The following SLX4 variants were observed in gnomAD, a reference collection of about 807,000 sequenced individuals.
SLX4 encodes SLX4 structure-specific endonuclease subunit.
A neutral mutation model predicts 146.2 loss-of-function variants in SLX4; 112 were observed. The observed-to-expected ratio is 0.77, with a 90% CI of 0.66 to 0.90. SLX4 has a LOEUF of 0.90. SLX4 is among the 40% of genes least tolerant of loss of function. SLX4 has a pLI of 0.00. For synonymous variants in SLX4, 1,061 were observed against 997.7 expected (o/e 1.06, Z -1.20); for missense variants, 2,563 against 2,392.7 (o/e 1.07, Z -1.49).
intron 12 of SLX4, among the ~76,000 whole-genome samples, chr16:3,588,316 A>C (rs1009320523): frequency 2.0e-5 from 3 of 152,200 alleles, no homozygotes; most frequent in Non-Finnish European, 4.4e-5. Context: ...CATATCCATG[A>C]GTGCAGACAG....
Position 3,591,079 on chromosome 16 carries a change from T to C in SLX4, c.2559A>G (p.Glu853=), listed in dbSNP as rs1247784974. The change falls in exon 12 of 15, where the codon GAA becomes GAG. Residue 853 remains glutamate (E), a synonymous_variant. Coordinates refer to ENST00000294008, the MANE Select transcript of SLX4 (RefSeq NM_032444.4). ...QENVNEAEME[E]IYEFAATQRK... is the part of the protein sequence containing the mutation. ...GCTGAGTAGCTGCAAATTCATAAATTTCTTCCATTTCTGCTTCATTCACGT... is the reference window on the plus strand; with the variant it reads ...GCTGAGTAGCTGCAAATTCATAAATCTCTTCCATTTCTGCTTCATTCACGT... 7 of 1,614,042 alleles carry C rather than the reference T, an allele frequency of 4.3e-6. No individual in the cohort carries two copies. In the South Asian group the frequency reaches 6.6e-5, roughly 15 times the overall value.
intron 13 of SLX4, 78 bp downstream of exon 13, chr16:3,584,691 G>GCC: frequency 8.7e-7 from 1 of 1,155,714 alleles, no homozygotes; most frequent in South Asian, 1.2e-5. Context: ...GGGCCCTTCC[G>GCC]CCCCCAGGTG....
intron 10 of SLX4, among the ~76,000 whole-genome samples, chr16:3,593,504 C>T (rs990862715): frequency 2.6e-5 from 4 of 152,212 alleles, no homozygotes; most frequent in Admixed American, 6.5e-5. Context: ...AGGCATGAGC[C>T]GCCGTGCCTG....
chr16:3,582,731 T>G (rs757801686), intron 14 of SLX4, 38 bp from the exon 15 acceptor site: 1 of 1,559,964 alleles, frequency 6.4e-7, no homozygotes, highest in South Asian at 1.1e-5. Context: ...GCAACCCCTT[T>G]CTCTCCAGCC....
intron 12 of SLX4, among the ~76,000 whole-genome samples, chr16:3,585,315 G>A (rs1384629998): frequency 1.2e-4 from 18 of 152,126 alleles, no homozygotes; most frequent in East Asian, 1.9e-4. Flanking sequence ...GGCCGGGCGC[G>A]GTGGCTCACG....
rs1188152398 is a variant in SLX4 at position 3,581,620 on chromosome 16, CAT to C, written c.*720_*721del. 5 of 153,360 alleles carry C rather than the reference CAT, an allele frequency of 3.3e-5. No individual in the cohort carries two copies. Among genetic ancestry groups the C allele is most frequent in the African/African-American group, 1.2e-4 (5 of 41,468 alleles). The allele number at this position is 153,360 out of a possible 1,614,324, so 9.5% of individuals were successfully genotyped here. A position where few individuals can be genotyped will look rare whatever the true frequency, so the allele number is the denominator to read the frequency against. ...GACCTGACGTCCATCTCAGGACAGACATGTAGGGCAGCTGTGCCCAGGACTGG... is the reference window on the plus strand; with the variant it reads ...GACCTGACGTCCATCTCAGGACAGACGTAGGGCAGCTGTGCCCAGGACTGG... On this transcript the variant is annotated 3_prime_UTR_variant, in exon 15 of 15. Transcript: ENST00000294008.
At chr16:3,600,120 A>G (rs770786616) in intron 5 of SLX4, among the ~76,000 whole-genome samples, 38 of 152,332 alleles carry the variant, frequency 2.5e-4, no homozygotes, top group Middle Eastern at 3.4e-3. Flanking sequence ...GCATCAAAGC[A>G]TTCCACCTCA....
At chr16:3,584,709 C>G in intron 13 of SLX4, 60 bp downstream of exon 13, 2 of 1,331,734 alleles carry the variant, frequency 1.5e-6, no homozygotes, top group Non-Finnish European at 2.2e-6. Flanking sequence ...GTGTGTGAAA[C>G]CCAGTTACTT....
intron 12 of SLX4, among the ~76,000 whole-genome samples, chr16:3,586,284 C>CCAT (rs1340896787): frequency 1.3e-5 from 2 of 152,014 alleles, no homozygotes; most frequent in African/African-American, 4.8e-5. Flanking sequence ...ATGTGGCATA[C>CCAT]CATCAGTGGG....
At position 3,590,950 on chromosome 16, in the gene SLX4, C is replaced by G. The variant is rs758166923; in HGVS notation, c.2688G>C (p.Val896=). The change falls in exon 12 of 15, where the codon GTG becomes GTC. Residue 896 remains valine, a synonymous_variant. Transcript: ENST00000294008. The surrounding 1 kb of genome is among the most constrained non-coding windows in gnomAD (Gnocchi z 4.8). ...CCTCCACCTTGTCCCACTGTTTCTGCACCTGGACACCTGCTAGGAGTTGCC... is the reference window on the plus strand; with the variant it reads ...CCTCCACCTTGTCCCACTGTTTCTGGACCTGGACACCTGCTAGGAGTTGCC... The part of the protein sequence containing the change: ...VSGQLLAGVQ[V]QKQWDKVEEM... The G allele has an allele frequency of 6.2e-7, 1 of 1,614,208 alleles. No individual in the cohort carries two copies. The highest frequency in any genetic ancestry group is 1.7e-5 in the Admixed American group (1 of 60,024).
intron 1 of SLX4, among the ~76,000 whole-genome samples, chr16:3,611,253 G>A (rs1003384821): frequency 6.6e-6 from 1 of 152,212 alleles, no homozygotes; most frequent in Non-Finnish European, 1.5e-5. Flanking sequence ...TGGGAAAAGG[G>A]CTGCCAAAGA....
Position 3,594,563 on chromosome 16 carries a change from T to C in SLX4, c.2050A>G (p.Met684Val). 1 of 1,614,024 alleles carries C rather than the reference T, an allele frequency of 6.2e-7. No homozygotes were observed. Among genetic ancestry groups the C allele is most frequent in the Non-Finnish European group, 8.5e-7 (1 of 1,179,996 alleles). ...TCACTCAGGTGTGGGTTATTGACCA[T>C]GGCGCCAAAGTCAGCAACCAGCAGC... ...LGLLVADFGA[M>V]VNNPHLSDVQ... The change falls in exon 10 of 15, where the codon ATG becomes GTG. Residue 684 changes from methionine to valine, a missense_variant. Coordinates refer to ENST00000294008, the MANE Select transcript of SLX4 (RefSeq NM_032444.4).
At chr16:3,592,663 G>C (rs1328665575) in intron 11 of SLX4, 36 bp downstream of exon 11, 5 of 1,602,616 alleles carry the variant, frequency 3.1e-6, no homozygotes, top group Admixed American at 3.4e-5. Context: ...GCCAGTCCTC[G>C]TCAGTTAATT....
intron 4 of SLX4, chr16:3,601,581 G>T (rs1422710646): frequency 1.2e-5 from 4 of 337,686 alleles, no homozygotes; most frequent in South Asian, 2.6e-5. Context: ...ATAAACCATG[G>T]TCATATTCCT....
chr16:3,590,444 G>T lies in SLX4; in HGVS notation c.3194C>A (p.Thr1065Asn). The change falls in exon 12 of 15, where the codon ACT becomes AAT. Residue 1065 changes from threonine to asparagine, a missense_variant. Coordinates refer to ENST00000294008, the MANE Select transcript of SLX4 (RefSeq NM_032444.4). This position sits in a 1 kb window ranked among gnomAD's most constrained non-coding sequence, Gnocchi z 4.8. ...CAAGGTTGGGGAGCCCACCTGGGAA[G>T]TTCCGCCACGGGACCGGGGTGTTGA... ...SLSTPRSRGGTSQVGSPTLLS... is the reference protein window; with the variant it reads ...SLSTPRSRGGNSQVGSPTLLS... The T allele has an allele frequency of 6.2e-7, 1 of 1,614,178 alleles. No homozygotes were observed. Among genetic ancestry groups the T allele is most frequent in the Non-Finnish European group, 8.5e-7 (1 of 1,180,004 alleles).
At position 3,595,749 on chromosome 16, in the gene SLX4, C is replaced by T. The variant is rs1422086282; in HGVS notation, c.1925-56G>A. The stretch of plus-strand genomic sequence containing the variant: ...GTCACAGCCCAGCCACATCCACCAC[C>T]AAGAAGACAGCGTTGACCACAGGCT... On this transcript the variant is annotated intron_variant, in intron 8 of 14. Transcript: ENST00000294008. The T allele has an allele frequency of 6.9e-6, 11 of 1,592,810 alleles. No homozygotes were observed. The South Asian group carries it at 8.9e-5, about 13-fold the overall frequency.
At chr16:3,609,841 A>G (rs2040830379) in intron 1 of SLX4, among the ~76,000 whole-genome samples, 1 of 152,208 alleles carries the variant, frequency 6.6e-6, no homozygotes, top group African/African-American at 2.4e-5. Flanking sequence ...TAGGGAGCAA[A>G]CCCCATAAAA....
chr16:3,596,716 G>T (rs956588785), intron 7 of SLX4, among the ~76,000 whole-genome samples: 1 of 152,198 alleles, frequency 6.6e-6, no homozygotes, highest in Admixed American at 6.5e-5. Context: ...TCAGGCAGCT[G>T]CGTACTGACT....
chr16:3,594,156 C>T (rs753151174), intron 10 of SLX4, among the ~76,000 whole-genome samples: 7 of 152,140 alleles, frequency 4.6e-5, no homozygotes, highest in South Asian at 2.1e-4. Context: ...CGTGAGCCAC[C>T]GCGCCCGGCC....
Sources: gnomAD v4.1 joint callset for allele counts (sites outside exome capture counted in the v4.1 genomes callset) on GRCh38, gnomAD v4.1.1 for gene constraint, Gnocchi (gnomAD v3.1) non-coding constraint, MANE v1.5 for transcripts, NCBI Gene and HGNC (gene_info 2026-07-23, HGNC 2026-07-21) for gene names.